The following ZP4 variants were observed in gnomAD, a reference collection of about 807,000 sequenced individuals.
The protein encoded by ZP4 is zona pellucida glycoprotein 4.
In ZP4, 62 loss-of-function variants were observed where a neutral mutation model predicts 62.3. The ratio of observed to expected loss-of-function variants is 0.99; its 90% CI spans 0.81 to 1.23. The LOEUF is 1.23. Among genes scored for constraint, ZP4 ranks in the 50% most tolerant of loss-of-function variants. The probability of loss-of-function intolerance (pLI) is 0.00; values close to 1 mark genes in which losing one functional copy is unlikely to be tolerated. For missense variants in ZP4, 774 were observed against 656.0 expected (o/e 1.18, Z -1.97); for synonymous variants, 289 against 247.3 (o/e 1.17, Z -1.58).
Position 237,885,220 on chromosome 1 carries a change from AT to A in ZP4, c.1255del (p.Ile419SerfsTer7). 1 of 1,614,176 alleles carries A rather than the reference AT, an allele frequency of 6.2e-7. No individual in the cohort carries two copies. On this transcript the variant is annotated frameshift_variant, in exon 9 of 12. Transcript: ENST00000366570. LOFTEE classifies it high-confidence loss of function. The stretch of plus-strand genomic sequence containing the variant: ...AGGGTTCACAAAGCTGAAGGTGAAG[AT>A]GCTGAAGCGCTGGTGGTGAGAGGGA... ...PFPSHHQRFS[I>X]FTFSFVNPTV...
Position 237,882,523 on chromosome 1 carries a change from A to C in ZP4, c.1522T>G (p.Trp508Gly). 1 of 1,606,104 alleles carries C rather than the reference A, an allele frequency of 6.2e-7. No homozygotes were observed. The highest frequency in any genetic ancestry group is 1.1e-5 in the South Asian group (1 of 90,118). The change falls in exon 12 of 12, where the codon TGG (tryptophan) becomes GGG (glycine). Residue 508 changes from tryptophan to glycine, a missense_variant. Physicochemically the swap from Trp to Gly is radical, Grantham distance 184. Transcript: ENST00000366570. ...AAGGTCCCAGAAAGGCCTGCCACCC[A>C]CAGAACTTTCGAGTCTACAGGAACA... Reference protein sequence around the residue: ...LRVPVDSKVLWVAGLSGTLIL... With the variant: ...LRVPVDSKVLGVAGLSGTLIL...
intron 10 of ZP4, among the ~76,000 whole-genome samples, chr1:237,883,072 T>C (rs796474296): frequency 1.6e-4 from 25 of 152,352 alleles, no homozygotes; most frequent in African/African-American, 5.5e-4. Flanking sequence ...AAACTATCCC[T>C]GAACTGCCAT....
In ZP4 at chr1:237,890,481, G is replaced by C; in HGVS notation, c.155C>G (p.Pro52Arg). 8 of 1,613,666 alleles carry C rather than the reference G, an allele frequency of 5.0e-6. No individual in the cohort carries two copies. The highest frequency in any genetic ancestry group is 6.8e-6 in the Non-Finnish European group (8 of 1,179,870). ...AVNLNQEATSPPVLIAWDNQG... is the reference protein window; with the variant it reads ...AVNLNQEATSRPVLIAWDNQG... ...CTTACCCCAAGCTATTAGTACAGGA[G>C]GAGACGTTGCCTCCTGGTTGAGGTT... The change falls in exon 1 of 12, where the codon CCT becomes CGT. Residue 52 changes from proline to arginine, a missense_variant. Physicochemically the swap from Pro to Arg is moderately radical, Grantham distance 103 (BLOSUM62 -2). Transcript: ENST00000366570.
intron 5 of ZP4, among the ~76,000 whole-genome samples, 169 bp from the exon 6 acceptor site, chr1:237,887,037 C>T (rs1471683091): frequency 5.9e-5 from 9 of 152,132 alleles, no homozygotes; most frequent in Admixed American, 6.5e-5. Context: ...TATCACTTCG[C>T]CTTATCTCAG....
rs1167534556 is a variant in ZP4 at position 237,890,123 on chromosome 1, T to A, written c.229A>T (p.Ile77Leu). ...ACGGAGCTGCCTGGACCTTTTCTTA[T>A]CCAGGTGCCACAGTCGGAGTCATTC... is the stretch of plus-strand genomic sequence containing the variant. ...LQNDSDCGTW[I>L]RKGPGSSVVL... is the part of the protein sequence containing the mutation. The change falls in exon 2 of 12, where the codon ATA becomes TTA. Residue 77 changes from isoleucine to leucine, a missense_variant. Physicochemically the swap from Ile to Leu is conservative, Grantham distance 5. Transcript: ENST00000366570. The A allele has an allele frequency of 6.2e-7, 1 of 1,614,068 alleles. No individual in the cohort carries two copies. Among genetic ancestry groups the A allele is most frequent in the Non-Finnish European group, 8.5e-7 (1 of 1,180,010 alleles).
intron 3 of ZP4, among the ~76,000 whole-genome samples, chr1:237,888,812 C>G (rs991105778): frequency 1.3e-5 from 2 of 152,142 alleles, no homozygotes; most frequent in Admixed American, 1.3e-4. Context: ...ATCCTTCCTT[C>G]TGTTCTTTAG....
In ZP4 at chr1:237,889,865, A is replaced by G. The variant is rs756487509; in HGVS notation, c.400+2T>C. 4 of 1,587,016 alleles carry G rather than the reference A, an allele frequency of 2.5e-6. No individual in the cohort carries two copies. In the African/African-American group the frequency reaches 5.5e-5, roughly 22 times the overall value. ...AAGACCCTGAGAGCTTCCAGCCTTT[A>G]CCTAGAAGATCCATAGGACACTTGA... is the stretch of plus-strand genomic sequence containing the variant. On this transcript the variant is annotated splice_donor_variant, in intron 3 of 11. Transcript: ENST00000366570. LOFTEE classifies it high-confidence loss of function.
chr1:237,885,799 C>CTCA lies in ZP4; in HGVS notation c.924_926dup (p.Pro308_Glu309insAsp), dbSNP rs762210915. The CTCA allele has an allele frequency of 1.2e-6, 2 of 1,614,118 alleles. No individual in the cohort carries two copies. The highest frequency in any genetic ancestry group is 2.7e-5 in the African/African-American group (2 of 75,022). ...CCAGAGTGAGGGGTCCAGGCTGGGTCTCAGGAAAGGGTGGTGGGAGAGTGA... is the reference window on the plus strand; with the variant it reads ...CCAGAGTGAGGGGTCCAGGCTGGGTCTCATCAGGAAAGGGTGGTGGGAGAGTGA... On this transcript the variant is annotated inframe_insertion, in exon 7 of 12. Transcript: ENST00000366570.
intron 6 of ZP4, 134 bp downstream of exon 6, chr1:237,886,637 G>C: frequency 1.5e-6 from 1 of 669,456 alleles, no homozygotes; most frequent in Middle Eastern, 4.2e-4. Flanking sequence ...CAAGTAATGG[G>C]CAGTGCAATT....
chr1:237,888,570 T>A, intron 3 of ZP4, 60 bp from the exon 4 acceptor site: 1 of 1,505,308 alleles, frequency 6.6e-7, no homozygotes, highest in East Asian at 2.3e-5. Context: ...TTGAATACCA[T>A]TTTGATACAA....
At chr1:237,888,570 T>G in intron 3 of ZP4, 60 bp from the exon 4 acceptor site, 1 of 1,505,308 alleles carries the variant, frequency 6.6e-7, no homozygotes, top group Non-Finnish European at 9.0e-7. Flanking sequence ...TTGAATACCA[T>G]TTTGATACAA....
intron 3 of ZP4, 57 bp from the exon 4 acceptor site, chr1:237,888,567 C>T: frequency 3.3e-6 from 5 of 1,509,294 alleles, no homozygotes; most frequent in Non-Finnish European, 4.5e-6. Context: ...GTCTTGAATA[C>T]CATTTTGATA....
intron 3 of ZP4, among the ~76,000 whole-genome samples, chr1:237,889,313 G>GTTTTT (rs1327807113): frequency 1.5e-5 from 2 of 133,024 alleles, no homozygotes; most frequent in African/African-American, 6.5e-5. Flanking sequence ...GAGATAGGTT[G>GTTTTT]TATTTTTTTT....
In ZP4 at chr1:237,887,560, C is replaced by G. The variant is rs1459999151; in HGVS notation, c.555G>C (p.Val185=). 1.9e-6 allele frequency: 3 copies of G among 1,613,124 alleles called. No individual in the cohort carries two copies. The highest frequency in any genetic ancestry group is 2.5e-6 in the Non-Finnish European group (3 of 1,179,620). The change falls in exon 5 of 12, where the codon GTG becomes GTC. Residue 185 remains valine, a splice_region_variant and synonymous_variant. Transcript: ENST00000366570. The part of the protein sequence containing the change: ...EVNSCYYGNT[V]TLHCTREGHF... The stretch of plus-strand genomic sequence containing the variant: ...GGCCCTCTCGGGTACAATGCAAGGT[C>G]ACTGAAACAGAGCAGCTGTGCTGAA...
chr1:237,883,773 A>AAGAGAGAGGG (rs1664996710), intron 10 of ZP4, among the ~76,000 whole-genome samples: 1 of 61,962 alleles, frequency 1.6e-5, no homozygotes, highest in Admixed American at 1.8e-4. Context: ...GAGAGAGAGG[A>AAGAGAGAGGG]AGAGAGAGGA....
At chr1:237,885,688 A>G (rs1665084812) in intron 7 of ZP4, 68 bp downstream of exon 7, 5 of 1,599,022 alleles carry the variant, frequency 3.1e-6, no homozygotes, top group Non-Finnish European at 3.4e-6. Context: ...TTACTAACTT[A>G]GGGTCTTCAT....
rs1284619974 is a variant in ZP4, at chr1:237,890,560, G to T, written c.76C>A (p.Pro26Thr). ...CAGTGGAGCACACTGGAATAATCTG[G>T]TGCCTCAGGCTTATGCTGGCCACTC... is the stretch of plus-strand genomic sequence containing the variant. ...AVSGQHKPEA[P>T]DYSSVLHCGP... Residue 26 changes from proline to threonine, a missense_variant, in exon 1 of 12, where the codon CCA (proline) becomes ACA (threonine). Coordinates refer to ENST00000366570, the MANE Select transcript of ZP4 (RefSeq NM_021186.5). 5 of 1,613,966 alleles carry T rather than the reference G, an allele frequency of 3.1e-6. No individual in the cohort carries two copies. The highest frequency in any genetic ancestry group is 4.2e-6 in the Non-Finnish European group (5 of 1,180,034).
rs1558530982 is a variant in ZP4, at chr1:237,884,011, C to CAA, written c.1390+757_1390+758insTT. 3.1e-3 allele frequency among the ~76,000 whole-genome samples: 262 copies of CAA among 83,498 alleles called. 1 individual carries two copies. The highest frequency in any genetic ancestry group is 4.0e-3 in the Non-Finnish European group (168 of 41,516). 54.8% of individuals were successfully genotyped at this position (83,498 alleles called of 152,430 possible). On this transcript the variant is annotated intron_variant, in intron 10 of 11. Coordinates refer to ENST00000366570, the MANE Select transcript of ZP4 (RefSeq NM_021186.5). ...ACACACACACACACACACACACACA[C>CAA]ACACAAACACACACACACACAAACA...
chr1:237,889,763 T>C lies in ZP4; in HGVS notation c.400+104A>G, dbSNP rs1665192947. The C allele has an allele frequency of 7.2e-6, 7 of 969,730 alleles. No homozygotes were observed. The Admixed American group carries it at 1.1e-4, about 15-fold the overall frequency. 60.1% of individuals were successfully genotyped at this position (969,730 alleles called of 1,614,324 possible). ...AGTTGGGACATGATCCTTCCTTCAT[T>C]AGTGTCAGGTGTCACTGCACAGAGC... On this transcript the variant is annotated intron_variant, in intron 3 of 11. Transcript: ENST00000366570.
Sources: gnomAD v4.1 joint callset for allele counts (sites outside exome capture counted in the v4.1 genomes callset) on GRCh38, gnomAD v4.1.1 for gene constraint, MANE v1.5 for transcripts, NCBI Gene and HGNC (gene_info 2026-07-23, HGNC 2026-07-21) for gene names.